The following GTPBP10 variants were observed in gnomAD, a reference collection of about 807,000 sequenced individuals.
GTPBP10 encodes the protein GTP binding protein 10.
In GTPBP10, 38 loss-of-function variants were observed where a neutral mutation model predicts 44.8. That is an observed-to-expected ratio of 0.85 (90% CI 0.65 to 1.11). GTPBP10 has a LOEUF of 1.11. Ranked by LOEUF, GTPBP10 falls within the 50% of genes most tolerant of loss-of-function variation. GTPBP10 has a pLI of 0.00. For missense variants in GTPBP10, 462 were observed against 453.7 expected, an observed-to-expected ratio of 1.02 and a Z score of -0.17; for synonymous variants, 152 against 150.6, an observed-to-expected ratio of 1.01 and a Z score of -0.07.
At chr7:90,376,196 C>T (rs920386086) in intron 6 of GTPBP10, among the ~76,000 whole-genome samples, 1 of 151,972 alleles carries the variant, frequency 6.6e-6, no homozygotes, top group African/African-American at 2.4e-5. Flanking sequence ...GATTGCCCCA[C>T]TCCACTCCAG....
intron 4 of GTPBP10, among the ~76,000 whole-genome samples, chr7:90,369,199 G>A (rs1050535583): frequency 8.5e-5 from 13 of 152,160 alleles, no homozygotes; most frequent in African/African-American, 3.1e-4. Context: ...CCCTGTATGA[G>A]GTGTCTCTTG....
In GTPBP10 at chr7:90,386,037, G is replaced by T. The variant is rs17866354; in HGVS notation, c.*883G>T. The T allele has an allele frequency of 6.6e-6, 1 of 151,748 alleles. No homozygotes were observed. Among genetic ancestry groups the T allele is most frequent in the Non-Finnish European group, 1.5e-5 (1 of 67,944 alleles). The allele number at this position is 151,748 out of a possible 1,614,324, so 9.4% of individuals were successfully genotyped here. On this transcript the variant is annotated 3_prime_UTR_variant, in exon 10 of 10. Transcript: ENST00000222511. ...GGTCGCGCCACTGCACTTCAGCCTGGGTGACAGAGCTAGACTCCATCTCAA... is the reference window on the plus strand; with the variant it reads ...GGTCGCGCCACTGCACTTCAGCCTGTGTGACAGAGCTAGACTCCATCTCAA...
rs1796568801 is a variant in GTPBP10, at chr7:90,388,803, G to A, written c.*3649G>A. On this transcript the variant is annotated 3_prime_UTR_variant, in exon 10 of 10. Coordinates refer to ENST00000222511, the MANE Select transcript of GTPBP10 (RefSeq NM_033107.4). ...TTAATGAAAGCTACAGACTTGTCTT[G>A]CCGAAAAATGTACATAAACACATAA... is the stretch of plus-strand genomic sequence containing the variant. The A allele has an allele frequency of 6.6e-6, 1 of 152,132 alleles. No individual in the cohort carries two copies. Among genetic ancestry groups the A allele is most frequent in the Admixed American group, 6.6e-5 (1 of 15,262 alleles). 9.4% of individuals were successfully genotyped at this position (152,132 alleles called of 1,614,324 possible).
intron 9 of GTPBP10, 85 bp downstream of exon 9, chr7:90,383,164 AGT>A: frequency 1.0e-6 from 1 of 998,088 alleles, no homozygotes; most frequent in Non-Finnish European, 1.4e-6. Flanking sequence ...GAAAACTGAC[AGT>A]TTCTGCTCTT....
At chr7:90,350,171 T>C (rs1362477226) in intron 1 of GTPBP10, among the ~76,000 whole-genome samples, 2 of 152,136 alleles carry the variant, frequency 1.3e-5, no homozygotes, top group African/African-American at 2.4e-5. Context: ...CATGTGGTGT[T>C]TGGTTTTCTG....
intron 4 of GTPBP10, among the ~76,000 whole-genome samples, chr7:90,365,194 C>G (rs1407010355): frequency 6.6e-6 from 1 of 152,108 alleles, no homozygotes. Flanking sequence ...GTTGGAAATG[C>G]AGAAATCACC....
chr7:90,355,197 A>G lies in GTPBP10; in HGVS notation c.431A>G (p.Asp144Gly), dbSNP rs186591323. Residue 144 changes from aspartate to glycine, a missense_variant, in exon 4 of 10, where the codon GAT (aspartate) becomes GGT (glycine). Physicochemically the swap from Asp to Gly is moderately conservative, Grantham distance 94. Coordinates refer to ENST00000222511, the MANE Select transcript of GTPBP10 (RefSeq NM_033107.4). ...LKGQKRIIHLDLKLIADVGLV... is the reference protein window; with the variant it reads ...LKGQKRIIHLGLKLIADVGLV... Reference sequence around the variant, plus strand: ...GGCCAGAAACGAATAATTCACCTTGATCTAAAACTTATAGCTGATGTAGGC... The same window carrying G: ...GGCCAGAAACGAATAATTCACCTTGGTCTAAAACTTATAGCTGATGTAGGC... 319 of 1,601,878 alleles carry G rather than the reference A, an allele frequency of 2.0e-4. 2 individuals carry two copies. The East Asian group carries it at 6.0e-3, about 30-fold the overall frequency.
At chr7:90,368,639 C>A (rs1796185524) in intron 4 of GTPBP10, among the ~76,000 whole-genome samples, 1 of 152,152 alleles carries the variant, frequency 6.6e-6, no homozygotes. Flanking sequence ...TTTTGAACTC[C>A]ATGAGGTCAT....
At chr7:90,376,454 T>G (rs1356401753) in intron 6 of GTPBP10, among the ~76,000 whole-genome samples, 1 of 152,190 alleles carries the variant, frequency 6.6e-6, no homozygotes, top group South Asian at 2.1e-4. Context: ...ACTTGAATAC[T>G]GGCACAAAAT....
In GTPBP10 at chr7:90,372,914, C is replaced by T. The variant is rs547057202; in HGVS notation, c.538+686C>T. ...GAGTTTGTAGACTAGTGGAGTAAGG[C>T]GTACATATCACTAATAAATATAAGG... On this transcript the variant is annotated intron_variant, in intron 5 of 9. Transcript: ENST00000222511. Among the ~76,000 whole-genome samples the T allele has an allele frequency of 1.4e-3, 220 of 152,026 alleles. 2 individuals carry two copies. The highest frequency in any genetic ancestry group is 3.4e-3 in the Middle Eastern group (1 of 294).
intron 6 of GTPBP10, among the ~76,000 whole-genome samples, chr7:90,376,411 G>C (rs143200294): frequency 6.6e-6 from 1 of 152,110 alleles, no homozygotes; most frequent in Non-Finnish European, 1.5e-5. Flanking sequence ...TACAACTTGG[G>C]TTTGTCGAGT....
Position 90,363,672 on chromosome 7 carries a change from A to G in GTPBP10, c.464+8442A>G, listed in dbSNP as rs1796073257. 2.0e-5 allele frequency among the ~76,000 whole-genome samples: 3 copies of G among 152,154 alleles called. No individual in the cohort carries two copies. The South Asian group carries it at 6.2e-4, about 32-fold the overall frequency. ...TGGTCTCTGTATTTCCTGAATTTGA[A>G]TGTTGGCCTGCCTTGCTAGGTTGAG... On this transcript the variant is annotated intron_variant, in intron 4 of 9. Coordinates refer to ENST00000222511, the MANE Select transcript of GTPBP10 (RefSeq NM_033107.4).
At chr7:90,353,487 T>C (rs933472066) in intron 2 of GTPBP10, among the ~76,000 whole-genome samples, 3 of 152,228 alleles carry the variant, frequency 2.0e-5, no homozygotes, top group Non-Finnish European at 4.4e-5. Flanking sequence ...TATTTTACAA[T>C]CTGCTATTTT....
chr7:90,348,902 A>T (rs1478064061), intron 1 of GTPBP10, among the ~76,000 whole-genome samples: 2 of 152,078 alleles, frequency 1.3e-5, no homozygotes, highest in Non-Finnish European at 2.9e-5. Context: ...CTGGTAGTTT[A>T]TTCTGTGTTT....
chr7:90,371,280 G>C (rs1796252965), intron 4 of GTPBP10: 2 of 436,858 alleles, frequency 4.6e-6, no homozygotes, highest in South Asian at 9.8e-5. Flanking sequence ...CAACCTGAAA[G>C]TCTGTCAATA....
intron 4 of GTPBP10, among the ~76,000 whole-genome samples, chr7:90,367,863 T>G (rs190753916): frequency 1.1e-3 from 161 of 152,354 alleles, no homozygotes; most frequent in African/African-American, 3.8e-3. Context: ...TTGATGCAGT[T>G]TCTTCATAGC....
intron 4 of GTPBP10, among the ~76,000 whole-genome samples, chr7:90,371,879 T>C (rs1281972104): frequency 1.3e-5 from 2 of 152,088 alleles, no homozygotes; most frequent in Non-Finnish European, 2.9e-5. Flanking sequence ...TTTTCTTTAA[T>C]TTCTGTTTTT....
chr7:90,365,541 A>T (rs1796117651), intron 4 of GTPBP10, among the ~76,000 whole-genome samples: 1 of 150,810 alleles, frequency 6.6e-6, no homozygotes, highest in South Asian at 2.1e-4. Flanking sequence ...ACGCCCGGCT[A>T]ATTTTTTTGT....
intron 4 of GTPBP10, among the ~76,000 whole-genome samples, chr7:90,367,709 A>G (rs1210903670): frequency 2.0e-5 from 3 of 152,128 alleles, no homozygotes; most frequent in African/African-American, 7.2e-5. Flanking sequence ...AGTACAGTAC[A>G]CCAATGGGTC....
Sources: allele counts gnomAD v4.1 joint callset (sites outside exome capture counted in the v4.1 genomes callset), GRCh38; gene constraint gnomAD v4.1.1; transcripts MANE v1.5; gene names NCBI Gene and HGNC (gene_info 2026-07-23, HGNC 2026-07-21).